Variants in SNTG2 observed in about 807,000 individuals in gnomAD.
SNTG2 encodes syntrophin gamma 2, also known as gamma-2-syntrophin.
Under a neutral mutation model 70.9 loss-of-function variants are expected in SNTG2, and 74 were observed. The ratio of observed to expected loss-of-function variants is 1.04; its 90% confidence interval spans 0.86 to 1.27. The LOEUF (loss-of-function observed/expected upper bound fraction) is 1.27, where lower values mean the gene tolerates loss of function less well. Ranked by LOEUF, SNTG2 falls within the 50% of genes most tolerant of loss-of-function variation. The pLI, the probability that SNTG2 is intolerant of heterozygous loss-of-function variation, is 0.00. For missense variants in SNTG2, 717 were observed against 690.7 expected, an observed-to-expected ratio of 1.04 and a Z score of -0.43; for synonymous variants, 278 against 273.8, an observed-to-expected ratio of 1.02 and a Z score of -0.15.
chr2:1,072,536 T>C lies in SNTG2; in HGVS notation c.73-10982T>C, dbSNP rs139993934. ...CTGAGACAAAAAGAAAAAAAAGATA[T>C]CTTTCAAAATATTACTACTCATTGA... is the stretch of plus-strand genomic sequence containing the variant. On this transcript the variant is annotated intron_variant, in intron 1 of 16. Transcript: ENST00000308624. Among the ~76,000 whole-genome samples the C allele has an allele frequency of 1.2e-3, 186 of 152,134 alleles. 3 individuals carry two copies. The East Asian group carries it at 0.028, about 23-fold the overall frequency.
chr2:1,367,312 A>C, intron 16 of SNTG2, 31 bp from the exon 17 acceptor site: 1 of 1,503,764 alleles, frequency 6.6e-7, no homozygotes, highest in South Asian at 1.3e-5. Flanking sequence ...CAACAATTAT[A>C]ATAAACACTT....
chr2:959,365 T>C (rs989220911), intron 1 of SNTG2, among the ~76,000 whole-genome samples: 2 of 152,234 alleles, frequency 1.3e-5, no homozygotes, highest in African/African-American at 2.4e-5. Flanking sequence ...CTTTATGTAT[T>C]GCAATTATTT....
chr2:1,134,246 AG>A (rs1442621485), intron 4 of SNTG2, among the ~76,000 whole-genome samples: 3 of 152,132 alleles, frequency 2.0e-5, no homozygotes, highest in African/African-American at 7.2e-5. Context: ...ACAGTGTGGA[AG>A]GGGACCCCAG....
At chr2:1,362,658 A>G (rs1404216303) in intron 16 of SNTG2, among the ~76,000 whole-genome samples, 1 of 151,552 alleles carries the variant, frequency 6.6e-6, no homozygotes, top group African/African-American at 2.4e-5. Context: ...AAAGTCACCA[A>G]CGCTGAGCAT....
chr2:1,168,850 A>G (rs1266001726), intron 7 of SNTG2, among the ~76,000 whole-genome samples: 19 of 152,226 alleles, frequency 1.2e-4, no homozygotes, highest in Admixed American at 1.2e-3. Context: ...GGGGCTGTGC[A>G]TGAGAAAGGC....
chr2:1,323,864 A>C (rs1469158724), intron 16 of SNTG2, among the ~76,000 whole-genome samples: 1 of 151,066 alleles, frequency 6.6e-6, no homozygotes, highest in Non-Finnish European at 1.5e-5. Context: ...CATATTGCTG[A>C]GACCTCCCGC....
intron 4 of SNTG2, among the ~76,000 whole-genome samples, chr2:1,117,072 A>G (rs1300737906): frequency 9.9e-6 from 1 of 101,396 alleles, no homozygotes. Flanking sequence ...TGGGTGCCCC[A>G]ATATGTGGGT....
intron 12 of SNTG2, among the ~76,000 whole-genome samples, chr2:1,250,430 T>A (rs1284663415): frequency 1.3e-5 from 2 of 152,096 alleles, no homozygotes; most frequent in African/African-American, 4.8e-5. Flanking sequence ...TCCCTCTCTC[T>A]TTCTCCACCT....
chr2:1,271,729 G>T (rs36132459), intron 14 of SNTG2, among the ~76,000 whole-genome samples: 46,432 of 151,894 alleles, frequency 0.31, 8,004 homozygotes, highest in African/African-American at 0.47. Context: ...GCAGAAAATG[G>T]CCTCCATAAC....
At chr2:1,145,392 A>G (rs973158792) in intron 6 of SNTG2, among the ~76,000 whole-genome samples, 5 of 152,224 alleles carry the variant, frequency 3.3e-5, no homozygotes, top group African/African-American at 9.6e-5. Context: ...GAAATCAAAG[A>G]GAGGATATTA....
chr2:982,326 A>G (rs1661132767), intron 1 of SNTG2, among the ~76,000 whole-genome samples: 1 of 152,186 alleles, frequency 6.6e-6, no homozygotes, highest in Non-Finnish European at 1.5e-5. Context: ...CACGTTCCAC[A>G]CTTTTTCTTT....
In SNTG2 at chr2:1,267,413, C is replaced by T. The variant is rs145922792; in HGVS notation, c.1126C>T (p.Leu376Phe). The T allele has an allele frequency of 6.8e-5, 110 of 1,610,990 alleles. No homozygotes were observed. The African/African-American group carries it at 1.2e-3, about 18-fold the overall frequency. The change falls in exon 14 of 17, where the codon CTT (leucine) becomes TTT (phenylalanine). Residue 376 changes from leucine to phenylalanine, a missense_variant. Coordinates refer to ENST00000308624, the MANE Select transcript of SNTG2 (RefSeq NM_018968.4). ...GTTGCAAGCAAACTTGTATCTGGGTCTTCAAGATTTTGACTTTGAGGACCA... is the reference window on the plus strand; with the variant it reads ...GTTGCAAGCAAACTTGTATCTGGGTTTTCAAGATTTTGACTTTGAGGACCA... ...CWLQANLYLG[L>F]QDFDFEDQRP...
intron 14 of SNTG2, among the ~76,000 whole-genome samples, chr2:1,287,412 C>G (rs1017583085): frequency 5.3e-5 from 8 of 152,164 alleles, no homozygotes; most frequent in African/African-American, 1.9e-4. Context: ...TCTCACCTCA[C>G]CTCTGTGCTG....
chr2:1,043,123 G>A (rs1056452274), intron 1 of SNTG2, among the ~76,000 whole-genome samples: 1 of 152,154 alleles, frequency 6.6e-6, no homozygotes, highest in Non-Finnish European at 1.5e-5. Flanking sequence ...AATGATTAGT[G>A]ATGTTGCCCA....
At chr2:1,063,971 T>C (rs6752325) in intron 1 of SNTG2, among the ~76,000 whole-genome samples, 2,172 of 152,100 alleles carry the variant, frequency 0.014, 50 homozygotes, top group African/African-American at 0.049. Context: ...TAAAACAAAA[T>C]CATTTTTGAA....
chr2:1,199,587 C>G (rs935200220), intron 8 of SNTG2, among the ~76,000 whole-genome samples: 35 of 152,174 alleles, frequency 2.3e-4, no homozygotes, highest in African/African-American at 8.4e-4. Flanking sequence ...AATTGTCCCT[C>G]TTTGCAGATG....
In SNTG2 at chr2:1,316,318, G is replaced by A. The variant is rs1438949971; in HGVS notation, c.1431G>A (p.Gly477=). The part of the protein sequence containing the change: ...FSQLKGSSDD[G]KTRVKLLFQN... ...AGCTTAAGGGATCTTCAGATGATGG[G>A]AAAACTCGAGTAAAGCTGCTGTTTC... Residue 477 remains glycine, a synonymous_variant, in exon 16 of 17, where the codon GGG becomes GGA. Coordinates refer to ENST00000308624, the MANE Select transcript of SNTG2 (RefSeq NM_018968.4). The A allele has an allele frequency of 1.9e-6, 3 of 1,550,730 alleles. No individual in the cohort carries two copies. Among genetic ancestry groups the A allele is most frequent in the Non-Finnish European group, 1.7e-6 (2 of 1,146,348 alleles).
chr2:992,825 A>C (rs1661546570), intron 1 of SNTG2, among the ~76,000 whole-genome samples: 1 of 152,168 alleles, frequency 6.6e-6, no homozygotes, highest in African/African-American at 2.4e-5. Flanking sequence ...GCACCATACT[A>C]TTCACCAAAA....
chr2:1,210,736 C>T (rs547285717), intron 9 of SNTG2: 5 of 152,172 alleles, frequency 3.3e-5, no homozygotes, highest in Non-Finnish European at 7.3e-5. Flanking sequence ...TTTTTACTTT[C>T]ACTTTTCTAA....
Sources: allele counts gnomAD v4.1 joint callset (sites outside exome capture counted in the v4.1 genomes callset), GRCh38; gene constraint gnomAD v4.1.1; transcripts MANE v1.5; gene names NCBI Gene and HGNC (gene_info 2026-07-23, HGNC 2026-07-21).